CASK: variants seen among roughly 807,000 people sequenced by gnomAD.
The protein encoded by CASK is peripheral plasma membrane protein CASK.
Under a neutral mutation model 82.9 loss-of-function variants are expected in CASK, and 4 were observed. The ratio of observed to expected loss-of-function variants is 0.05; its 90% confidence interval spans 0.02 to 0.11. CASK has a LOEUF of 0.11. Among genes scored for constraint, CASK ranks in the 10% least tolerant of loss-of-function variants. The pLI is 1.00. For missense variants in CASK, 358 were observed against 720.9 expected, an observed-to-expected ratio of 0.50 and a Z score of 5.76; for synonymous variants, 259 against 253.5, an observed-to-expected ratio of 1.02 and a Z score of -0.20.
At chrX:41,581,224 A>T (rs1397128445) in intron 14 of CASK, among the ~76,000 whole-genome samples, 1 of 110,280 alleles carries the variant, frequency 9.1e-6, no homozygotes, top group Admixed American at 9.7e-5. Context: ...TACAAAAAAT[A>T]AAAAAAAGTA....
intron 5 of CASK, among the ~76,000 whole-genome samples, chrX:41,691,640 T>C (rs965632487): frequency 9.3e-6 from 1 of 107,328 alleles, no homozygotes; most frequent in Non-Finnish European, 1.9e-5. Flanking sequence ...GGGCGGAAAA[T>C]GAGGTCAGGA....
At chrX:41,594,652 G>T (rs1370081837) in intron 12 of CASK, among the ~76,000 whole-genome samples, 1 of 112,170 alleles carries the variant, frequency 8.9e-6, no homozygotes, top group African/African-American at 3.2e-5. Context: ...AAGCATGTGT[G>T]TGTTTCCCAT....
At chrX:41,608,114 G>A (rs2065986568) in intron 12 of CASK, among the ~76,000 whole-genome samples, 1 of 112,179 alleles carries the variant, frequency 8.9e-6, no homozygotes, top group Non-Finnish European at 1.9e-5. Context: ...GAAGCATAAT[G>A]CAACAAACAC....
chrX:41,792,630 T>G (rs1052917207), intron 2 of CASK, among the ~76,000 whole-genome samples: 1 of 111,237 alleles, frequency 9.0e-6, no homozygotes, highest in Non-Finnish European at 1.9e-5. Flanking sequence ...TTAAGTATAA[T>G]GTAAGCCATG....
At chrX:41,526,113 A>T (rs193028961) in intron 25 of CASK, among the ~76,000 whole-genome samples, 49 of 112,117 alleles carry the variant, frequency 4.4e-4, no homozygotes, top group Non-Finnish European at 7.9e-4. Context: ...GCTAACAGGG[A>T]TCTTCACTTA....
At chrX:41,888,720 T>C (rs1370951062) in intron 1 of CASK, among the ~76,000 whole-genome samples, 2 of 104,894 alleles carry the variant, frequency 1.9e-5, no homozygotes, top group Non-Finnish European at 3.9e-5. Flanking sequence ...TGTATATGTA[T>C]GTGAATATAT....
At chrX:41,666,251 G>A (rs1470936264) in intron 6 of CASK, among the ~76,000 whole-genome samples, 1 of 111,650 alleles carries the variant, frequency 9.0e-6, no homozygotes, top group Admixed American at 9.5e-5. Context: ...TTAGCTTTCT[G>A]TAAGGAATCT....
At position 41,923,454 on chromosome X, in the gene CASK, T is replaced by TGGCGGC. The variant is rs938087394; in HGVS notation, c.-472_-467dup. 7 of 109,691 alleles carry TGGCGGC rather than the reference T, an allele frequency of 6.4e-5. No individual in the cohort carries two copies. The highest frequency in any genetic ancestry group is 2.3e-4 in the African/African-American group (7 of 30,270). The allele number at this position is 109,691 out of a possible 1,213,427, so 9.0% of individuals were successfully genotyped here. A position where few individuals can be genotyped will look rare whatever the true frequency, so the allele number is the denominator to read the frequency against. ...GAGCGAGGATCGCCGCGGAGGGAGGTGGCGGCGGCGGCGGATCGGCGCTGG... is the reference window on the plus strand; with the variant it reads ...GAGCGAGGATCGCCGCGGAGGGAGGTGGCGGCGGCGGCGGCGGCGGATCGGCGCTGG... On this transcript the variant is annotated 5_prime_UTR_variant, in exon 1 of 27. Transcript: ENST00000378163.
chrX:41,901,117 C>T (rs1444028116), intron 1 of CASK, among the ~76,000 whole-genome samples: 1 of 111,428 alleles, frequency 9.0e-6, no homozygotes, highest in Non-Finnish European at 1.9e-5. Flanking sequence ...CATTTTGTTC[C>T]TCTGGTGATG....
Position 41,579,138 on chromosome X carries a change from A to C in CASK, c.1315-610T>G, listed in dbSNP as rs144663595. Among the ~76,000 whole-genome samples, 184 of 112,162 alleles carry C rather than the reference A, an allele frequency of 1.6e-3. 1 individual carries two copies. Among genetic ancestry groups the C allele is most frequent in the African/African-American group, 5.7e-3 (176 of 30,904 alleles). On this transcript the variant is annotated intron_variant, in intron 14 of 26. Transcript: ENST00000378163. ...AAAGAAATAGTGCAATAATTGGAGT[A>C]TTGAGCAAGTATCTTTCATCAATGG...
At chrX:41,864,396 C>T (rs891852675) in intron 1 of CASK, among the ~76,000 whole-genome samples, 1 of 111,196 alleles carries the variant, frequency 9.0e-6, no homozygotes, top group African/African-American at 3.3e-5. Flanking sequence ...TATAAAATAC[C>T]TACCTCCTGC....
chrX:41,659,910 G>A (rs1289233333), intron 8 of CASK, among the ~76,000 whole-genome samples: 1 of 108,769 alleles, frequency 9.2e-6, no homozygotes, highest in Non-Finnish European at 1.9e-5. Context: ...TAAAGTGGGA[G>A]GATCGATTGA....
intron 5 of CASK, among the ~76,000 whole-genome samples, chrX:41,732,128 CAG>C (rs1043920788): frequency 1.7e-4 from 19 of 110,392 alleles, no homozygotes; most frequent in African/African-American, 6.3e-4. Context: ...TTCAAAAAAA[CAG>C]TGTTTTTAAT....
chrX:41,854,224 GCACACACACACA>G lies in CASK; in HGVS notation c.60-1009_60-998del, dbSNP rs4007745. Among the ~76,000 whole-genome samples, 109 of 81,733 alleles carry G rather than the reference GCACACACACACA, an allele frequency of 1.3e-3. No homozygotes were observed. In the East Asian group the frequency reaches 0.016, roughly 12 times the overall value. The allele number at this position is 81,733 out of a possible 115,157, so 71.0% of individuals were successfully genotyped here. On this transcript the variant is annotated intron_variant, in intron 1 of 26. Coordinates refer to ENST00000378163, the MANE Select transcript of CASK (RefSeq NM_001367721.1). ...AACATGCGCGCGCGCGCGGGCGCGC[GCACACACACACA>G]CACACACACACACACACACACACAC...
intron 2 of CASK, among the ~76,000 whole-genome samples, chrX:41,826,933 A>C (rs2070680726): frequency 8.9e-6 from 1 of 112,178 alleles, no homozygotes; most frequent in Non-Finnish European, 1.9e-5. Flanking sequence ...TGACTATTTA[A>C]TGGAACCCAT....
chrX:41,880,367 T>A (rs1266950944), intron 1 of CASK, among the ~76,000 whole-genome samples: 1 of 111,542 alleles, frequency 9.0e-6, no homozygotes, highest in East Asian at 2.8e-4. Context: ...TATACTTCAA[T>A]AGGAAGTTTG....
intron 2 of CASK, among the ~76,000 whole-genome samples, chrX:41,788,299 A>C (rs2069654618): frequency 9.0e-6 from 1 of 110,607 alleles, no homozygotes; most frequent in Non-Finnish European, 1.9e-5. Flanking sequence ...AAAGTTGTTA[A>C]TATCATCATC....
At chrX:41,793,182 T>A (rs1295080488) in intron 2 of CASK, among the ~76,000 whole-genome samples, 1 of 111,907 alleles carries the variant, frequency 8.9e-6, no homozygotes, top group Non-Finnish European at 1.9e-5. Flanking sequence ...CTATAAGTCC[T>A]CATTTGTTAC....
At chrX:41,676,198 A>C (rs2067262249) in intron 5 of CASK, 4 of 1,176,054 alleles carry the variant, frequency 3.4e-6, no homozygotes, top group Admixed American at 2.2e-5. Flanking sequence ...TTTCCAAAAG[A>C]AACAGTACAT....
Sources: gnomAD v4.1 joint callset for allele counts (sites outside exome capture counted in the v4.1 genomes callset) on GRCh38, gnomAD v4.1.1 for gene constraint, MANE v1.5 for transcripts, NCBI Gene and HGNC (gene_info 2026-07-23, HGNC 2026-07-21) for gene names.